GLIS3: variants seen among roughly 807,000 people sequenced by gnomAD.
GLIS3 encodes GLIS family zinc finger 3.
GLIS3 carries 53 observed loss-of-function variants against 78.6 expected under a neutral mutation model. That is an observed-to-expected ratio of 0.67 (90% CI 0.54 to 0.85). The LOEUF is 0.85. Among genes scored for constraint, GLIS3 ranks in the 40% least tolerant of loss-of-function variants. The pLI, the probability that GLIS3 is intolerant of heterozygous loss-of-function variation, is 0.00. For synonymous variants in GLIS3, 684 were observed against 509.9 expected (o/e 1.34, Z -4.60); for missense variants, 1,703 against 1,231.1 (o/e 1.38, Z -5.74).
chr9:4,431,844 GAAAAAAAAAA>G, the GLIS3 span, among the ~76,000 whole-genome samples: 6 of 73,062 alleles, frequency 8.2e-5, no homozygotes, highest in African/African-American at 3.5e-4. Context: ...AACTCCATCT[GAAAAAAAAAA>G]AAAAAAAAAG....
the GLIS3 span, among the ~76,000 whole-genome samples, chr9:4,357,918 C>T: frequency 1.3e-5 from 2 of 152,118 alleles, no homozygotes; most frequent in Non-Finnish European, 2.9e-5. Flanking sequence ...AAACGAACAA[C>T]GCAAATTTCC....
At chr9:3,869,748 C>G (rs1820854546) in intron 8 of GLIS3, among the ~76,000 whole-genome samples, 1 of 152,164 alleles carries the variant, frequency 6.6e-6, no homozygotes, top group Non-Finnish European at 1.5e-5. Context: ...CACTGCATTA[C>G]TCAGTACATG....
At chr9:4,362,831 G>A in the GLIS3 span, among the ~76,000 whole-genome samples, 3 of 152,102 alleles carry the variant, frequency 2.0e-5, no homozygotes, top group Admixed American at 1.3e-4. Flanking sequence ...CTATCATGTT[G>A]GAGAACAATG....
At chr9:4,063,384 G>C (rs1472804276) in intron 4 of GLIS3, among the ~76,000 whole-genome samples, 2 of 152,110 alleles carry the variant, frequency 1.3e-5, no homozygotes, top group African/African-American at 4.8e-5. Flanking sequence ...AGCATAACAA[G>C]ATTGAAACCA....
chr9:4,343,042 C>A (rs1817857133), intron 2 of GLIS3, among the ~76,000 whole-genome samples: 1 of 152,094 alleles, frequency 6.6e-6, no homozygotes, highest in African/African-American at 2.4e-5. Flanking sequence ...AAAAGCAAAT[C>A]AAAACCACAG....
chr9:3,914,104 A>G (rs1412455391), intron 6 of GLIS3, among the ~76,000 whole-genome samples: 2 of 151,562 alleles, frequency 1.3e-5, no homozygotes, highest in African/African-American at 4.9e-5. Context: ...GTGAAATTGA[A>G]CCGAAATTTT....
intron 2 of GLIS3, among the ~76,000 whole-genome samples, chr9:4,151,645 G>A (rs978455360): frequency 1.7e-4 from 26 of 152,162 alleles, no homozygotes; most frequent in Middle Eastern, 3.2e-3. Flanking sequence ...GCACTGAGGG[G>A]ATTTCTTTGG....
At chr9:4,038,682 G>C (rs1588509953) in intron 4 of GLIS3, among the ~76,000 whole-genome samples, 1 of 152,144 alleles carries the variant, frequency 6.6e-6, no homozygotes, top group Non-Finnish European at 1.5e-5. Flanking sequence ...CTGGCCCTTT[G>C]GTAAGTGACA....
intron 2 of GLIS3, among the ~76,000 whole-genome samples, chr9:4,185,574 T>C (rs1817712718): frequency 6.6e-6 from 1 of 152,080 alleles, no homozygotes; most frequent in South Asian, 2.1e-4. Context: ...CAATGTCCCA[T>C]AAGGAAGCAG....
At chr9:4,193,350 T>G (rs10814871) in intron 2 of GLIS3, among the ~76,000 whole-genome samples, 41,252 of 152,130 alleles carry the variant, frequency 0.27, 6,734 homozygotes, top group South Asian at 0.49. Context: ...ATTTACATAG[T>G]GTCAATGGCT....
chr9:4,465,324 G>A, the GLIS3 span, among the ~76,000 whole-genome samples: 3 of 152,244 alleles, frequency 2.0e-5, no homozygotes, highest in Non-Finnish European at 2.9e-5. Context: ...GAGGCAAGGG[G>A]ATCACCAGAG....
the GLIS3 span, among the ~76,000 whole-genome samples, chr9:4,437,450 ATCTATCTATCTATCTATC>A: frequency 7.3e-5 from 11 of 149,776 alleles, no homozygotes; most frequent in South Asian, 2.1e-4. Context: ...CTATCTATCT[ATCTATCTATCTATCTATC>A]TATATATCAT....
At chr9:4,368,698 G>A in the GLIS3 span, among the ~76,000 whole-genome samples, 1 of 152,168 alleles carries the variant, frequency 6.6e-6, no homozygotes, top group African/African-American at 2.4e-5. Context: ...AAACCTAATG[G>A]ATGACTTTGA....
chr9:4,222,943 C>A (rs899299924), intron 2 of GLIS3, among the ~76,000 whole-genome samples: 2 of 152,178 alleles, frequency 1.3e-5, no homozygotes, highest in African/African-American at 4.8e-5. Flanking sequence ...CTGCTTATCT[C>A]AGTAGCCTTC....
chr9:4,321,023 C>A (rs1411778623), intron 2 of GLIS3, among the ~76,000 whole-genome samples: 1 of 151,946 alleles, frequency 6.6e-6, no homozygotes, highest in African/African-American at 2.4e-5. Flanking sequence ...TAGACCCCAG[C>A]CATTTCTGCA....
At chr9:4,048,783 C>T (rs1489295159) in intron 4 of GLIS3, among the ~76,000 whole-genome samples, 1 of 152,188 alleles carries the variant, frequency 6.6e-6, no homozygotes, top group Non-Finnish European at 1.5e-5. Context: ...CTAGGCCTAG[C>T]CTATGCACCT....
At chr9:4,137,281 G>C (rs1337392208) in intron 2 of GLIS3, among the ~76,000 whole-genome samples, 1 of 152,072 alleles carries the variant, frequency 6.6e-6, no homozygotes, top group Non-Finnish European at 1.5e-5. Context: ...AGGGAGATTC[G>C]CATGAATCAT....
At chr9:4,191,033 G>A (rs11793942) in intron 2 of GLIS3, among the ~76,000 whole-genome samples, 68,575 of 151,070 alleles carry the variant, frequency 0.45, 15,738 homozygotes, top group South Asian at 0.55. Flanking sequence ...CCTGAAGGAA[G>A]CGCTAAACAT....
intron 2 of GLIS3, among the ~76,000 whole-genome samples, chr9:4,276,799 C>T (rs1291023289): frequency 6.6e-6 from 1 of 152,126 alleles, no homozygotes; most frequent in Non-Finnish European, 1.5e-5. Flanking sequence ...ATCATACAAA[C>T]TGGACCCTGT....
Sources: allele counts gnomAD v4.1 joint callset (sites outside exome capture counted in the v4.1 genomes callset), GRCh38; gene constraint gnomAD v4.1.1; transcripts MANE v1.5; gene names NCBI Gene and HGNC (gene_info 2026-07-23, HGNC 2026-07-21).